The following COL7A1 variants were observed in gnomAD, a reference collection of about 807,000 sequenced individuals.
The protein encoded by COL7A1 is collagen type VII alpha 1 chain, also known as collagen alpha-1(VII) chain.
COL7A1 carries 296 observed loss-of-function variants against 456.2 expected under a neutral mutation model. The ratio of observed to expected loss-of-function variants is 0.65; its 90% CI spans 0.59 to 0.71. The LOEUF (loss-of-function observed/expected upper bound fraction) is 0.71. Among genes scored for constraint, COL7A1 ranks in the 30% least tolerant of loss-of-function variants. The pLI, the probability that COL7A1 is intolerant of heterozygous loss-of-function variation, is 0.00. For synonymous variants in COL7A1, 1,464 were observed against 1,525.9 expected, an observed-to-expected ratio of 0.96 and a Z score of 0.95; for missense variants, 3,441 against 4,017.2, an observed-to-expected ratio of 0.86 and a Z score of 3.88.
Position 48,579,938 on chromosome 3 carries a change from T to G in COL7A1, c.5124+93A>C. The G allele has an allele frequency of 6.2e-7, 1 of 1,604,042 alleles. No individual in the cohort carries two copies. The highest frequency in any genetic ancestry group is 1.1e-5 in the South Asian group (1 of 90,822). On this transcript the variant is annotated intron_variant, in intron 57 of 118. Coordinates refer to ENST00000681320, the MANE Select transcript of COL7A1 (RefSeq NM_000094.4). The surrounding 1 kb of genome is among the most constrained non-coding windows in gnomAD (Gnocchi z 4.4). ...GGTTTCAGAGGGACAGTGGGGGAAG[T>G]GGGAGTTAGTGGAAGGAATGAGGGG...
chr3:48,584,552 G>A lies in COL7A1; in HGVS notation c.4052C>T (p.Ala1351Val), dbSNP rs1388771656. The stretch of plus-strand genomic sequence containing the variant: ...TTCACCTCCGATGACTTGTCCGGGA[G>A]CCCCCTGTAAGGACAGAGAGCAGTG... ...GPRGPKGEPG[A>V]PGQVIGGEGP... The change falls in exon 36 of 119, where the codon GCT (alanine) becomes GTT (valine). Residue 1351 changes from alanine (A) to valine (V), a missense_variant. Around this residue, in one of 3 missense-constraint regions of COL7A1, gnomAD observed 2,084 missense variants for 2,501.3 expected, o/e 0.83. Coordinates refer to ENST00000681320, the MANE Select transcript of COL7A1 (RefSeq NM_000094.4). The A allele has an allele frequency of 1.9e-6, 3 of 1,614,106 alleles. No individual in the cohort carries two copies. The highest frequency in any genetic ancestry group is 2.2e-5 in the South Asian group (2 of 91,084).
rs571125408 is a variant in COL7A1 at position 48,570,572 on chromosome 3, G to C, written c.7344+67C>G. Reference sequence around the variant, plus strand: ...CCCCCAACACCCCACAGTGTGGCCCGCCCCATCCTAAGTCCTCACGAGGAC... The same window carrying C: ...CCCCCAACACCCCACAGTGTGGCCCCCCCCATCCTAAGTCCTCACGAGGAC... On this transcript the variant is annotated intron_variant, in intron 96 of 118. Coordinates refer to ENST00000681320, the MANE Select transcript of COL7A1 (RefSeq NM_000094.4). The surrounding 1 kb of genome is among the most constrained non-coding windows in gnomAD (Gnocchi z 5.5). 19 of 1,612,996 alleles carry C rather than the reference G, an allele frequency of 1.2e-5. No individual in the cohort carries two copies. Among genetic ancestry groups the C allele is most frequent in the Non-Finnish European group, 1.6e-5 (19 of 1,179,370 alleles).
At position 48,578,177 on chromosome 3, in the gene COL7A1, A is replaced by G. The variant is rs913488754; in HGVS notation, c.5532+144T>C. 1 of 969,596 alleles carries G rather than the reference A, an allele frequency of 1.0e-6. No homozygotes were observed. Among genetic ancestry groups the G allele is most frequent in the East Asian group, 2.6e-5 (1 of 37,946 alleles). The allele number at this position is 969,596 out of a possible 1,614,324, so 60.1% of individuals were successfully genotyped here. A position where few individuals can be genotyped will look rare whatever the true frequency, so the allele number is the denominator to read the frequency against. On this transcript the variant is annotated intron_variant, in intron 65 of 118. Coordinates refer to ENST00000681320, the MANE Select transcript of COL7A1 (RefSeq NM_000094.4). The surrounding 1 kb of genome is among the most constrained non-coding windows in gnomAD (Gnocchi z 4.7). Reference sequence around the variant, plus strand: ...GAAACTCCATCTCAAAAAAAAAAAAACTATGTTTCTGGATGCATCTGTATG... The same window carrying G: ...GAAACTCCATCTCAAAAAAAAAAAAGCTATGTTTCTGGATGCATCTGTATG...
chr3:48,588,528 GC>G lies in COL7A1; in HGVS notation c.2587+113del. On this transcript the variant is annotated intron_variant, in intron 20 of 118. Transcript: ENST00000681320. The surrounding 1 kb of genome is among the most constrained non-coding windows in gnomAD (Gnocchi z 4.6). The stretch of plus-strand genomic sequence containing the variant: ...ACCCCTCTCCCTCCTCTCAGACCCT[GC>G]CCCCAAAGGCTCACTACCAATCCTG... 3.1e-6 allele frequency: 5 copies of G among 1,603,614 alleles called. No homozygotes were observed. The highest frequency in any genetic ancestry group is 4.3e-6 in the Non-Finnish European group (5 of 1,175,500).
chr3:48,564,218 G>A lies in COL7A1; in HGVS notation c.*188C>T, dbSNP rs578210228. On this transcript the variant is annotated 3_prime_UTR_variant, in exon 119 of 119. Coordinates refer to ENST00000681320, the MANE Select transcript of COL7A1 (RefSeq NM_000094.4). This position sits in a 1 kb window ranked among gnomAD's most constrained non-coding sequence, Gnocchi z 6.0. ...AGTGAGTCATCTGCCAGGGTGGCAGGAGCCACAATGGGGGTTTGTCCACAG... is the reference window on the plus strand; with the variant it reads ...AGTGAGTCATCTGCCAGGGTGGCAGAAGCCACAATGGGGGTTTGTCCACAG... 10 of 709,828 alleles carry A rather than the reference G, an allele frequency of 1.4e-5. No homozygotes were observed. In the East Asian group the frequency reaches 2.5e-4, roughly 17 times the overall value. The allele number at this position is 709,828 out of a possible 1,614,324, so 44.0% of individuals were successfully genotyped here.
rs148891686 is a variant in COL7A1 at position 48,580,689 on chromosome 3, A to C, written c.4981-37T>G. The C allele has an allele frequency of 7.5e-3, 12,041 of 1,611,340 alleles. 102 individuals carry two copies. Among genetic ancestry groups the C allele is most frequent in the Middle Eastern group, 0.017 (102 of 5,978 alleles). On this transcript the variant is annotated intron_variant, in intron 54 of 118. Coordinates refer to ENST00000681320, the MANE Select transcript of COL7A1 (RefSeq NM_000094.4). The surrounding 1 kb of genome is among the most constrained non-coding windows in gnomAD (Gnocchi z 4.5). The stretch of plus-strand genomic sequence containing the variant: ...AGCTGGCCTGAGACAGACCCTCCCA[A>C]TATTTTGCAGGTGCCCCTATGACCC...
rs567715328 is a variant in COL7A1, at chr3:48,589,822, T to G, written c.2051-104A>C. The G allele has an allele frequency of 1.4e-4, 212 of 1,540,224 alleles. 1 individual carries two copies. Among genetic ancestry groups the G allele is most frequent in the Non-Finnish European group, 1.3e-5 (15 of 1,120,096 alleles). On this transcript the variant is annotated intron_variant, in intron 16 of 118. Coordinates refer to ENST00000681320, the MANE Select transcript of COL7A1 (RefSeq NM_000094.4). ...AGTCTAACAGGAGACGGGAATTTGA[T>G]AGAGGAGATGGTGAATAGGTCCAGT...
chr3:48,590,652 C>T lies in COL7A1; in HGVS notation c.1780+21G>A, dbSNP rs750327203. 1.5e-5 allele frequency: 24 copies of T among 1,613,866 alleles called. No homozygotes were observed. In the Admixed American group the frequency reaches 3.8e-4, roughly 26 times the overall value. On this transcript the variant is annotated intron_variant, in intron 14 of 118. Transcript: ENST00000681320. This position sits in a 1 kb window ranked among gnomAD's most constrained non-coding sequence, Gnocchi z 4.6. Reference sequence around the variant, plus strand: ...GAGTGAGGCAGGCAGCTGTCCTCCACAAGCCTCCTGCAGTACTCACCCCGG... The same window carrying T: ...GAGTGAGGCAGGCAGCTGTCCTCCATAAGCCTCCTGCAGTACTCACCCCGG...
Position 48,575,962 on chromosome 3 carries a change from C to T in COL7A1, c.5821-60G>A, listed in dbSNP as rs560756778. 43 of 1,613,376 alleles carry T rather than the reference C, an allele frequency of 2.7e-5. No individual in the cohort carries two copies. The East Asian group carries it at 4.9e-4, about 18-fold the overall frequency. ...ACAGAGAAGCTCCTGCCTTCTGCCC[C>T]GCACGGCCTCAGGAAAGCACCTTCA... On this transcript the variant is annotated intron_variant, in intron 71 of 118. Coordinates refer to ENST00000681320, the MANE Select transcript of COL7A1 (RefSeq NM_000094.4). The surrounding 1 kb of genome is among the most constrained non-coding windows in gnomAD (Gnocchi z 6.3).
chr3:48,586,842 G>A lies in COL7A1; in HGVS notation c.3276+130C>T. On this transcript the variant is annotated intron_variant, in intron 25 of 118. Transcript: ENST00000681320. The surrounding 1 kb of genome is among the most constrained non-coding windows in gnomAD (Gnocchi z 5.1). The stretch of plus-strand genomic sequence containing the variant: ...CAGGATAGGGAGCCAGGCAGTAGGT[G>A]AGGTCTGGAGCCTGTGAGAGAGCTG... The A allele has an allele frequency of 1.3e-6, 2 of 1,507,476 alleles. No individual in the cohort carries two copies. Among genetic ancestry groups the A allele is most frequent in the Middle Eastern group, 1.9e-4 (1 of 5,132 alleles). The allele number at this position is 1,507,476 out of a possible 1,614,324, so 93.4% of individuals were successfully genotyped here.
Position 48,569,494 on chromosome 3 carries a change from C to T in COL7A1, c.7615-48G>A, listed in dbSNP as rs755625439. On this transcript the variant is annotated intron_variant, in intron 102 of 118. Coordinates refer to ENST00000681320, the MANE Select transcript of COL7A1 (RefSeq NM_000094.4). The surrounding 1 kb of genome is among the most constrained non-coding windows in gnomAD (Gnocchi z 4.9). ...TCACGGTAAGGGGCTGAAGGTCCCT[C>T]ACCCTCTGGGAGTTTGAGCTCTCAG... The T allele has an allele frequency of 1.9e-6, 3 of 1,612,584 alleles. No individual in the cohort carries two copies. The South Asian group carries it at 3.3e-5, about 18-fold the overall frequency.
chr3:48,592,048 G>C lies in COL7A1; in HGVS notation c.1241-34C>G. ...GGCACATGGGATGTCAGTGGCCTCC[G>C]GGCCTTGCCCTGCCTGCCCGTCCCA... On this transcript the variant is annotated intron_variant, in intron 10 of 118. Transcript: ENST00000681320. This position sits in a 1 kb window ranked among gnomAD's most constrained non-coding sequence, Gnocchi z 7.6. 6.2e-7 allele frequency: 1 copy of C among 1,614,084 alleles called. No individual in the cohort carries two copies.
Position 48,591,793 on chromosome 3 carries a change from G to T in COL7A1, c.1387C>A (p.Pro463Thr), listed in dbSNP as rs769244254. ...GLEPPQKVVL[P>T]SDVTRYQLDG... ...AACTGGTAGCGGGTCACATCAGAGG[G>T]CAGTACCACCTTCTGCGGTGGCTCC... Residue 463 changes from proline to threonine, a missense_variant, in exon 12 of 119, where the codon CCC (proline) becomes ACC (threonine). Physicochemically the swap from Pro to Thr is conservative, Grantham distance 38. Transcript: ENST00000681320. This position sits in a 1 kb window ranked among gnomAD's most constrained non-coding sequence, Gnocchi z 7.0. 6 of 1,614,184 alleles carry T rather than the reference G, an allele frequency of 3.7e-6. No individual in the cohort carries two copies. Among genetic ancestry groups the T allele is most frequent in the Non-Finnish European group, 5.1e-6 (6 of 1,180,024 alleles).
intron 45 of COL7A1, 36 bp downstream of exon 45, chr3:48,582,573 G>T: frequency 6.2e-7 from 1 of 1,613,774 alleles, no homozygotes; most frequent in South Asian, 1.1e-5. Flanking sequence ...ACACACAAAA[G>T]TCCCACTCCT....
In COL7A1 at chr3:48,588,346, C is replaced by G. The variant is rs770229628; in HGVS notation, c.2646G>C (p.Ser882=). ...GCACCGGCTCCCAGCGCAGCCTCAG[C>G]GAGTGCTCCCCGCGCTGCACCACGT... is the stretch of plus-strand genomic sequence containing the variant. ...TLHVVQRGEH[S]LRLRWEPVPR... The change falls in exon 21 of 119, where the codon TCG becomes TCC. Residue 882 remains serine, a synonymous_variant. Coordinates refer to ENST00000681320, the MANE Select transcript of COL7A1 (RefSeq NM_000094.4). The surrounding 1 kb of genome is among the most constrained non-coding windows in gnomAD (Gnocchi z 4.6). The G allele has an allele frequency of 6.2e-7, 1 of 1,612,720 alleles. No individual in the cohort carries two copies. The highest frequency in any genetic ancestry group is 8.5e-7 in the Non-Finnish European group (1 of 1,179,972).
intron 44 of COL7A1, 112 bp downstream of exon 44, chr3:48,582,901 G>T: frequency 6.7e-7 from 1 of 1,493,376 alleles, no homozygotes. Flanking sequence ...GGGATAAGTG[G>T]TCATTGAGGA....
chr3:48,575,261 G>A lies in COL7A1; in HGVS notation c.6181-19C>T. 1.2e-6 allele frequency: 2 copies of A among 1,613,910 alleles called. No individual in the cohort carries two copies. The highest frequency in any genetic ancestry group is 1.7e-6 in the Non-Finnish European group (2 of 1,179,974). On this transcript the variant is annotated intron_variant, in intron 74 of 118. Coordinates refer to ENST00000681320, the MANE Select transcript of COL7A1 (RefSeq NM_000094.4). This position sits in a 1 kb window ranked among gnomAD's most constrained non-coding sequence, Gnocchi z 6.3. ...GTTCTCCCTGAAATGCAAATAGCGG[G>A]TGAGGGCCAAGCCCATGGGGGGTCC...
At chr3:48,584,675 T>TG in intron 35 of COL7A1, 59 bp downstream of exon 35, 1 of 1,613,154 alleles carries the variant, frequency 6.2e-7, no homozygotes, top group Non-Finnish European at 8.5e-7. Flanking sequence ...GGGTCTGGTG[T>TG]GGGGCAGTCC....
chr3:48,592,260 A>G lies in COL7A1; in HGVS notation c.1094-12T>C, dbSNP rs1325986993. Reference sequence around the variant, plus strand: ...CTGTGTGGGCCCACCTGCATGGGGGACACCAAGGGGCCAGTGGGCCTTGCA... The same window carrying G: ...CTGTGTGGGCCCACCTGCATGGGGGGCACCAAGGGGCCAGTGGGCCTTGCA... On this transcript the variant is annotated splice_polypyrimidine_tract_variant and intron_variant, in intron 9 of 118. Coordinates refer to ENST00000681320, the MANE Select transcript of COL7A1 (RefSeq NM_000094.4). The surrounding 1 kb of genome is among the most constrained non-coding windows in gnomAD (Gnocchi z 7.6). 2 of 1,613,812 alleles carry G rather than the reference A, an allele frequency of 1.2e-6. No individual in the cohort carries two copies. Among genetic ancestry groups the G allele is most frequent in the Non-Finnish European group, 1.7e-6 (2 of 1,179,986 alleles).
Sources: gnomAD v4.1 joint callset for allele counts on GRCh38, gnomAD v4.1.1 for gene constraint, gnomAD v4.1.1 regional missense constraint, Gnocchi (gnomAD v3.1) non-coding constraint, MANE v1.5 for transcripts, NCBI Gene and HGNC (gene_info 2026-07-23, HGNC 2026-07-21) for gene names.